The following RNF38 variants were observed in gnomAD, a reference collection of about 807,000 sequenced individuals.
RNF38 encodes the protein ring finger protein 38, also known as E3 ubiquitin-protein ligase RNF38.
Under a neutral mutation model 67.2 loss-of-function variants are expected in RNF38, and 15 were observed. The observed-to-expected ratio is 0.22, with a 90% CI of 0.15 to 0.34. The LOEUF is 0.34. RNF38 is among the 10% of genes least tolerant of loss of function. RNF38 has a pLI of 1.00. For synonymous variants in RNF38, 220 were observed against 218.8 expected (o/e 1.01, Z -0.05); for missense variants, 524 against 639.9 (o/e 0.82, Z 1.95).
chr9:36,378,792 G>A (rs977932111), intron 2 of RNF38, among the ~76,000 whole-genome samples: 8 of 152,062 alleles, frequency 5.3e-5, no homozygotes, highest in African/African-American at 9.7e-5. Flanking sequence ...AAGTGGCTGC[G>A]AAAAGTAAAG....
Position 36,430,748 on chromosome 9 carries a change from GT to G in RNF38, n.242-6066del, listed in dbSNP as rs1272747365. Reference sequence around the variant, plus strand: ...GAGGACTTCGGGCGGCGGGGGTGCGGTTTCCAATTTCCAGAGCATCTCCTTA... The same window carrying G: ...GAGGACTTCGGGCGGCGGGGGTGCGGTTCCAATTTCCAGAGCATCTCCTTA... On this transcript the variant is annotated intron_variant and non_coding_transcript_variant, in intron 1 of 3. Coordinates refer to the RNF38 transcript ENST00000488058. Among the ~76,000 whole-genome samples the G allele has an allele frequency of 2.6e-5, 4 of 151,926 alleles. No individual in the cohort carries two copies. The East Asian group carries it at 7.7e-4, about 29-fold the overall frequency.
chr9:36,465,369 G>A (rs1213273442), intron 1 of RNF38, among the ~76,000 whole-genome samples: 2 of 151,970 alleles, frequency 1.3e-5, no homozygotes, highest in Non-Finnish European at 2.9e-5. Context: ...CTTTCAAGAT[G>A]GAGTTTCGCT....
chr9:36,417,032 CT>C (rs1205598257), intron 2 of RNF38, among the ~76,000 whole-genome samples: 2 of 151,958 alleles, frequency 1.3e-5, no homozygotes, highest in Non-Finnish European at 2.9e-5. Flanking sequence ...GATTACAGCA[CT>C]TTTTGGCTGG....
rs1251453834 is a variant in RNF38, at chr9:36,338,012, T to C, written c.*1740A>G. 1.3e-5 allele frequency: 2 copies of C among 152,608 alleles called. No homozygotes were observed. The highest frequency in any genetic ancestry group is 2.4e-5 in the African/African-American group (1 of 41,430). The allele number at this position is 152,608 out of a possible 1,614,324, so 9.5% of individuals were successfully genotyped here. On this transcript the variant is annotated 3_prime_UTR_variant, in exon 12 of 12. Coordinates refer to ENST00000259605, the MANE Select transcript of RNF38 (RefSeq NM_022781.5). ...GGGCAAGCAGCATGGCAGTAACAAG[T>C]AGTTAACACTGAATGGAAAACTGAC...
At chr9:36,486,871 C>CT (rs544486378) in intron 1 of RNF38, among the ~76,000 whole-genome samples, 19 of 152,296 alleles carry the variant, frequency 1.2e-4, no homozygotes, top group African/African-American at 4.1e-4. Flanking sequence ...GCCTGACCCC[C>CT]TCCCCCGAGA....
chr9:36,430,562 TAAAAG>T (rs934399400), intron 1 of RNF38, among the ~76,000 whole-genome samples: 4 of 151,740 alleles, frequency 2.6e-5, no homozygotes, highest in Non-Finnish European at 4.4e-5. Context: ...ATGAAGGAGA[TAAAAG>T]AAGAGAAAGA....
chr9:36,398,515 T>C (rs1487441247), intron 1 of RNF38, among the ~76,000 whole-genome samples: 1 of 152,242 alleles, frequency 6.6e-6, no homozygotes, highest in Non-Finnish European at 1.5e-5. Flanking sequence ...CTCTCATTAA[T>C]TTACTATATA....
At position 36,353,205 on chromosome 9, in the gene RNF38, G is replaced by A. The variant is rs773732355; in HGVS notation, c.1036C>T (p.His346Tyr). The A allele has an allele frequency of 1.2e-6, 2 of 1,614,092 alleles. No homozygotes were observed. Among genetic ancestry groups the A allele is most frequent in the South Asian group, 2.2e-5 (2 of 91,084 alleles). ...PPSAPLQFLT[H>Y]DPLHQEVSFG... ...GACACCTCCTGATGCAAAGGATCAT[G>A]TGTTAAGAACTGCAAGGGAGCTGAT... The change falls in exon 7 of 12, where the codon CAT becomes TAT. Residue 346 changes from histidine (H) to tyrosine (Y), a missense_variant. This residue lies in a region of RNF38 where 461 missense variants were observed against 517.4 expected (regional missense o/e 0.89). Transcript: ENST00000259605.
intron 1 of RNF38, among the ~76,000 whole-genome samples, chr9:36,465,867 G>A (rs564276063): frequency 1.2e-3 from 187 of 152,088 alleles, no homozygotes; most frequent in Non-Finnish European, 2.0e-3. Context: ...TGGCTAACAC[G>A]GTGAAACCCC....
intron 1 of RNF38, chr9:36,487,189 G>C (rs1382153068): frequency 1.5e-6 from 1 of 650,868 alleles, no homozygotes; most frequent in Non-Finnish European, 1.9e-6. Flanking sequence ...GGACAAAGCT[G>C]ACCCGGACAA....
At chr9:36,448,510 A>G (rs1195552047) in intron 1 of RNF38, among the ~76,000 whole-genome samples, 2 of 152,176 alleles carry the variant, frequency 1.3e-5, no homozygotes, top group East Asian at 1.9e-4. Flanking sequence ...GTATAGTACA[A>G]ATAGTCCAGC....
At chr9:36,470,349 T>C (rs1470324215) in intron 1 of RNF38, among the ~76,000 whole-genome samples, 1 of 152,086 alleles carries the variant, frequency 6.6e-6, no homozygotes, top group Non-Finnish European at 1.5e-5. Flanking sequence ...TTCGCACCCA[T>C]CCACACAGTG....
At chr9:36,470,678 A>T (rs1839975954) in intron 1 of RNF38, among the ~76,000 whole-genome samples, 1 of 152,080 alleles carries the variant, frequency 6.6e-6, no homozygotes. Context: ...CTAATATTGT[A>T]GCAGGAATCT....
At chr9:36,356,075 G>A (rs1372511896) in intron 6 of RNF38, among the ~76,000 whole-genome samples, 3 of 152,134 alleles carry the variant, frequency 2.0e-5, no homozygotes, top group African/African-American at 7.2e-5. Context: ...TTGAACTCCA[G>A]ACCCTAGGTG....
Position 36,415,726 on chromosome 9 carries a change from G to A in RNF38, n.312+8887C>T, listed in dbSNP as rs1474472064. ...GCTCCGATGGAGGTAGCAGGGGAAT[G>A]AAGTGGACCCTGTGAGGGTCCTTGG... On this transcript the variant is annotated intron_variant and non_coding_transcript_variant, in intron 2 of 3. Transcript: ENST00000488058. Among the ~76,000 whole-genome samples, 4 of 152,188 alleles carry A rather than the reference G, an allele frequency of 2.6e-5. No individual in the cohort carries two copies. In the East Asian group the frequency reaches 5.8e-4, roughly 22 times the overall value.
chr9:36,478,426 G>C (rs1343870897), intron 1 of RNF38, among the ~76,000 whole-genome samples: 1 of 135,900 alleles, frequency 7.4e-6, no homozygotes, highest in Non-Finnish European at 1.6e-5. Flanking sequence ...AAAAAAAAGA[G>C]AGCGTTTATT....
rs187319369 is a variant in RNF38, at chr9:36,415,679, C to T, written n.312+8934G>A. Among the ~76,000 whole-genome samples, 259 of 152,162 alleles carry T rather than the reference C, an allele frequency of 1.7e-3. 1 individual carries two copies. The highest frequency in any genetic ancestry group is 3.1e-3 in the Admixed American group (47 of 15,278). On this transcript the variant is annotated intron_variant and non_coding_transcript_variant, in intron 2 of 3. Coordinates refer to the RNF38 transcript ENST00000488058. Reference sequence around the variant, plus strand: ...GAGTCCTGTAATGTGATCAGTATCCCGGTCTCTCAGCTGTGGCATCTGCTC... The same window carrying T: ...GAGTCCTGTAATGTGATCAGTATCCTGGTCTCTCAGCTGTGGCATCTGCTC...
At chr9:36,416,740 A>AT (rs1491451376) in intron 2 of RNF38, among the ~76,000 whole-genome samples, 28 of 73,024 alleles carry the variant, frequency 3.8e-4, no homozygotes, top group East Asian at 7.5e-4. Context: ...TGCTGCCTCG[A>AT]TATTTTTTTT....
intron 1 of RNF38, among the ~76,000 whole-genome samples, chr9:36,468,227 G>A (rs139113875): frequency 6.9e-6 from 1 of 144,422 alleles, no homozygotes; most frequent in East Asian, 2.0e-4. Context: ...GCTGGGCAGA[G>A]CAATGTTCTG....
Sources: allele counts gnomAD v4.1 joint callset (sites outside exome capture counted in the v4.1 genomes callset), GRCh38; gene constraint gnomAD v4.1.1; regional missense constraint gnomAD v4.1.1; transcripts MANE v1.5; gene names NCBI Gene and HGNC (gene_info 2026-07-23, HGNC 2026-07-21).